CNTN4: variants seen among roughly 807,000 people sequenced by gnomAD.
CNTN4 encodes contactin 4.
CNTN4 carries 77 observed loss-of-function variants against 122.5 expected under a neutral mutation model. The ratio of observed to expected loss-of-function variants is 0.63; its 90% CI spans 0.52 to 0.76. The LOEUF (loss-of-function observed/expected upper bound fraction) is 0.76, where lower values mean the gene tolerates loss of function less well. Ranked by LOEUF, CNTN4 falls within the 30% of genes least tolerant of loss-of-function variation. The pLI, the probability that CNTN4 is intolerant of heterozygous loss-of-function variation, is 0.00. For synonymous variants in CNTN4, 512 were observed against 447.0 expected (o/e 1.15, Z -1.83); for missense variants, 1,256 against 1,259.1 (o/e 1.00, Z 0.04).
At chr3:2,613,614 T>C (rs147003160) in intron 4 of CNTN4, among the ~76,000 whole-genome samples, 1 of 152,296 alleles carries the variant, frequency 6.6e-6, no homozygotes, top group African/African-American at 2.4e-5. Context: ...TAAGGACTTT[T>C]TGTAGGGCTA....
rs559561175 is a variant in CNTN4, at chr3:2,870,158, A to G, written c.652+3209A>G. On this transcript the variant is annotated intron_variant, in intron 8 of 24. Transcript: ENST00000418658. ...ACATTCAGGAACACAAGCACTCCAG[A>G]ATCATCATGTACACTTCAAACTGGC... Among the ~76,000 whole-genome samples the G allele has an allele frequency of 5.9e-5, 9 of 152,356 alleles. No individual in the cohort carries two copies. The South Asian group carries it at 1.9e-3, about 32-fold the overall frequency.
At chr3:2,375,692 T>C (rs1018314962) in intron 3 of CNTN4, among the ~76,000 whole-genome samples, 10 of 152,196 alleles carry the variant, frequency 6.6e-5, no homozygotes, top group African/African-American at 2.4e-4. Flanking sequence ...ATTCTTCTTT[T>C]CTTTTTTCTT....
chr3:2,231,196 C>T (rs141222858), intron 2 of CNTN4, among the ~76,000 whole-genome samples: 1,872 of 152,080 alleles, frequency 0.012, 21 homozygotes, highest in South Asian at 0.03. Context: ...TCATTTTTTG[C>T]TCTAAATCTT....
chr3:2,783,014 T>G (rs1419571809), intron 6 of CNTN4, among the ~76,000 whole-genome samples: 1 of 152,186 alleles, frequency 6.6e-6, no homozygotes, highest in Non-Finnish European at 1.5e-5. Flanking sequence ...TGCGGTGGCT[T>G]ACGCCTGTAA....
chr3:3,039,918 C>T (rs962230906), intron 19 of CNTN4, 119 bp from the exon 20 acceptor site: 29 of 752,388 alleles, frequency 3.9e-5, no homozygotes, highest in Middle Eastern at 2.3e-4. Context: ...GTTAACAAAA[C>T]GCCAAATAAG....
intron 4 of CNTN4, among the ~76,000 whole-genome samples, chr3:2,729,498 C>T (rs537299722): frequency 2.2e-4 from 29 of 130,862 alleles, no homozygotes; most frequent in South Asian, 1.2e-3. Context: ...GAGCCGAGAT[C>T]GTGCCACTGC....
intron 13 of CNTN4, among the ~76,000 whole-genome samples, chr3:2,966,340 A>G (rs886653727): frequency 1.3e-5 from 2 of 152,172 alleles, no homozygotes; most frequent in African/African-American, 4.8e-5. Flanking sequence ...TGATCATTTG[A>G]ATTTAGTTTC....
chr3:2,266,955 T>G (rs912421112), intron 2 of CNTN4, among the ~76,000 whole-genome samples: 1 of 152,146 alleles, frequency 6.6e-6, no homozygotes, highest in Non-Finnish European at 1.5e-5. Context: ...AACATTACTG[T>G]GATTCAGCTT....
intron 9 of CNTN4, among the ~76,000 whole-genome samples, chr3:2,883,604 A>G (rs1041525110): frequency 1.3e-5 from 2 of 152,350 alleles, no homozygotes; most frequent in African/African-American, 2.4e-5. Context: ...GACTATGTGG[A>G]AAAATACGGA....
intron 6 of CNTN4, among the ~76,000 whole-genome samples, chr3:2,775,538 G>T (rs973620570): frequency 6.6e-6 from 1 of 152,124 alleles, no homozygotes; most frequent in Non-Finnish European, 1.5e-5. Context: ...TCATGCCTCA[G>T]CCTCCAGAGT....
At chr3:2,711,134 G>A (rs2087122089) in intron 4 of CNTN4, among the ~76,000 whole-genome samples, 1 of 152,124 alleles carries the variant, frequency 6.6e-6, no homozygotes, top group Non-Finnish European at 1.5e-5. Context: ...ACTTCCTCAG[G>A]CAACATAGTG....
rs115178582 is a variant in CNTN4 at position 3,040,451 on chromosome 3, C to T, written c.2398+180C>T. 1.2e-3 allele frequency: 804 copies of T among 644,288 alleles called. 6 individuals are homozygous for T. The African/African-American group carries it at 0.013, about 11-fold the overall frequency. The allele number at this position is 644,288 out of a possible 1,614,324, so 39.9% of individuals were successfully genotyped here. A position where few individuals can be genotyped will look rare whatever the true frequency, so the allele number is the denominator to read the frequency against. On this transcript the variant is annotated intron_variant, in intron 20 of 24. Transcript: ENST00000418658. ...CACCATGAATCTCTTGAAAAGATAG[C>T]GACTGCTCTGTATATGAAAACACTT...
chr3:2,884,806 A>T (rs1458105266), intron 9 of CNTN4, among the ~76,000 whole-genome samples: 1 of 152,230 alleles, frequency 6.6e-6, no homozygotes, highest in African/African-American at 2.4e-5. Context: ...CTCTATTCAC[A>T]CTGTTTGAAT....
At position 3,056,569 on chromosome 3, in the gene CNTN4, G is replaced by C. The variant is rs548231257; in HGVS notation, c.*349G>C. ...GTAGATATTAATTTTTTCCTCGGCT[G>C]TAAAATGCTATGGGCAACACAATCA... On this transcript the variant is annotated 3_prime_UTR_variant, in exon 25 of 25. Transcript: ENST00000418658. The C allele has an allele frequency of 1.8e-4, 29 of 159,810 alleles. No individual in the cohort carries two copies. Among genetic ancestry groups the C allele is most frequent in the Non-Finnish European group, 3.4e-4 (25 of 72,520 alleles). The allele number at this position is 159,810 out of a possible 1,614,324, so 9.9% of individuals were successfully genotyped here.
chr3:2,364,588 T>C (rs956953735), intron 3 of CNTN4, among the ~76,000 whole-genome samples: 33 of 152,012 alleles, frequency 2.2e-4, no homozygotes, highest in African/African-American at 7.0e-4. Context: ...TTAATCTAGT[T>C]GAGTCCCCGG....
intron 3 of CNTN4, among the ~76,000 whole-genome samples, chr3:2,431,550 A>G (rs917405388): frequency 6.6e-6 from 1 of 152,120 alleles, no homozygotes. Context: ...GACTTTTTTT[A>G]AAGAAGAAAT....
intron 4 of CNTN4, among the ~76,000 whole-genome samples, chr3:2,626,438 A>G (rs1213634304): frequency 6.6e-6 from 1 of 151,668 alleles, no homozygotes; most frequent in Non-Finnish European, 1.5e-5. Context: ...TGGAGCTTGC[A>G]GTGAGCCGAG....
rs59496605 is a variant in CNTN4, at chr3:2,233,164, T to A, written c.-144-106014T>A. Among the ~76,000 whole-genome samples the A allele has an allele frequency of 6.3e-3, 958 of 152,234 alleles. 16 individuals are homozygous for A. Among genetic ancestry groups the A allele is most frequent in the African/African-American group, 0.022 (911 of 41,530 alleles). On this transcript the variant is annotated intron_variant, in intron 2 of 24. Transcript: ENST00000418658. ...CTTGAGCTATGACAGTTATTAAACA[T>A]ATACCCACAGAAACCCCAAAGAGAA...
chr3:2,169,488 G>A (rs956819569), intron 2 of CNTN4, among the ~76,000 whole-genome samples: 1 of 151,838 alleles, frequency 6.6e-6, no homozygotes, highest in East Asian at 2.0e-4. Context: ...CTCACTGCAA[G>A]CTCCGCCTCC....
Sources: gnomAD v4.1 joint callset for allele counts (sites outside exome capture counted in the v4.1 genomes callset) on GRCh38, gnomAD v4.1.1 for gene constraint, MANE v1.5 for transcripts, NCBI Gene and HGNC (gene_info 2026-07-23, HGNC 2026-07-21) for gene names.